SH3BGRL: variants seen among roughly 807,000 people sequenced by gnomAD.
SH3BGRL encodes the protein adapter SH3BGRL.
SH3BGRL carries 7 observed loss-of-function variants against 9.8 expected under a neutral mutation model. That is an observed-to-expected ratio of 0.72 (90% confidence interval 0.41 to 1.35). The LOEUF (loss-of-function observed/expected upper bound fraction) is 1.35, where lower values mean the gene tolerates loss of function less well. Among genes scored for constraint, SH3BGRL ranks in the 40% most tolerant of loss-of-function variants. The pLI, the probability that SH3BGRL is intolerant of heterozygous loss-of-function variation, is 0.01. For missense variants in SH3BGRL, 73 were observed against 84.4 expected (o/e 0.86, Z 0.53); for synonymous variants, 36 against 29.1 (o/e 1.24, Z -0.76).
chrX:81,217,869 T>C (rs1450578114), intron 1 of SH3BGRL, among the ~76,000 whole-genome samples: 2 of 111,038 alleles, frequency 1.8e-5, no homozygotes, highest in South Asian at 3.7e-4. Flanking sequence ...CCCACTGTTA[T>C]TGTTTTGCTG....
At chrX:81,236,212 G>A (rs1228168416) in intron 1 of SH3BGRL, among the ~76,000 whole-genome samples, 6 of 111,642 alleles carry the variant, frequency 5.4e-5, no homozygotes, top group Admixed American at 9.5e-5. Flanking sequence ...ATAGGCAAGA[G>A]CACACATGCT....
At chrX:81,276,523 C>A (rs2075798729) in intron 1 of SH3BGRL, among the ~76,000 whole-genome samples, 1 of 110,914 alleles carries the variant, frequency 9.0e-6, no homozygotes, top group Admixed American at 9.6e-5. Context: ...ACTCTTGAAG[C>A]CTGTGCACTT....
At chrX:81,266,513 T>C (rs1016533473) in intron 1 of SH3BGRL, among the ~76,000 whole-genome samples, 9 of 111,753 alleles carry the variant, frequency 8.1e-5, no homozygotes, top group Non-Finnish European at 1.7e-4. Flanking sequence ...ATCAGATGGT[T>C]GTAGATGTGT....
chrX:81,254,855 A>G (rs552335202), intron 1 of SH3BGRL, among the ~76,000 whole-genome samples: 12 of 108,354 alleles, frequency 1.1e-4, no homozygotes, highest in African/African-American at 4.0e-4. Flanking sequence ...ATTAATATAC[A>G]TTGCTTTGTG....
At chrX:81,274,594 A>T (rs75439102) in intron 1 of SH3BGRL, among the ~76,000 whole-genome samples, 1 of 104,415 alleles carries the variant, frequency 9.6e-6, no homozygotes, top group Non-Finnish European at 2.0e-5. Flanking sequence ...TCTGTCTCAG[A>T]AAAAAAAAAA....
intron 1 of SH3BGRL, among the ~76,000 whole-genome samples, chrX:81,238,523 G>A (rs1569361442): frequency 8.9e-6 from 1 of 111,824 alleles, no homozygotes; most frequent in Non-Finnish European, 1.9e-5. Flanking sequence ...TCTATTATCG[G>A]CCTCCTGCAC....
At position 81,242,599 on chromosome X, in the gene SH3BGRL, C is replaced by T. The variant is rs750116939; in HGVS notation, c.46-34385C>T. The stretch of plus-strand genomic sequence containing the variant: ...ATCACATCATGTTATAAAGCTTCTG[C>T]ACAGCAAGGGAACAATCAACAAAGT... On this transcript the variant is annotated intron_variant, in intron 1 of 3. Coordinates refer to ENST00000373212, the MANE Select transcript of SH3BGRL (RefSeq NM_003022.3). Among the ~76,000 whole-genome samples, 40 of 111,551 alleles carry T rather than the reference C, an allele frequency of 3.6e-4. 1 individual carries two copies. The South Asian group carries it at 4.1e-3, about 12-fold the overall frequency.
At chrX:81,255,972 T>A (rs1247850898) in intron 1 of SH3BGRL, among the ~76,000 whole-genome samples, 3 of 112,374 alleles carry the variant, frequency 2.7e-5, no homozygotes, top group Admixed American at 9.4e-5. Flanking sequence ...AGGAGTTGCA[T>A]TTCTGAGAAT....
chrX:81,291,558 C>T (rs1682634714), intron 3 of SH3BGRL, among the ~76,000 whole-genome samples: 1 of 111,492 alleles, frequency 9.0e-6, no homozygotes, highest in East Asian at 2.9e-4. Flanking sequence ...GCCTCTGGCC[C>T]CTCCCAAATC....
At chrX:81,242,064 C>T (rs918493192) in intron 1 of SH3BGRL, among the ~76,000 whole-genome samples, 12 of 112,332 alleles carry the variant, frequency 1.1e-4, no homozygotes, top group South Asian at 3.7e-4. Flanking sequence ...ACCGAGTGGG[C>T]GGAATAAGAA....
intron 3 of SH3BGRL, among the ~76,000 whole-genome samples, chrX:81,283,711 A>G (rs2075825201): frequency 9.0e-6 from 1 of 111,503 alleles, no homozygotes; most frequent in South Asian, 3.8e-4. Flanking sequence ...CAGCCAACAT[A>G]ATACAGAATG....
At chrX:81,279,188 A>C (rs1181521018) in intron 3 of SH3BGRL, among the ~76,000 whole-genome samples, 1 of 112,210 alleles carries the variant, frequency 8.9e-6, no homozygotes, top group African/African-American at 3.2e-5. Context: ...ACTAGACAAA[A>C]ATTTACTAGT....
intron 1 of SH3BGRL, among the ~76,000 whole-genome samples, chrX:81,227,637 T>A (rs759445755): frequency 8.9e-6 from 1 of 112,447 alleles, no homozygotes; most frequent in South Asian, 3.6e-4. Flanking sequence ...GCTATCTTGA[T>A]AAATCTCTAA....
intron 1 of SH3BGRL, among the ~76,000 whole-genome samples, chrX:81,238,111 GCCTT>G (rs2147684803): frequency 9.1e-6 from 1 of 109,997 alleles, no homozygotes; most frequent in Non-Finnish European, 1.9e-5. Context: ...TACATCAAAG[GCCTT>G]GGTTGGGTCT....
At chrX:81,238,308 C>T (rs143870672) in intron 1 of SH3BGRL, among the ~76,000 whole-genome samples, 6 of 111,792 alleles carry the variant, frequency 5.4e-5, no homozygotes, top group East Asian at 2.9e-4. Flanking sequence ...AACTACAAGC[C>T]GACTTACGGG....
Position 81,297,343 on chromosome X carries a change from T to C in SH3BGRL, c.*116T>C. 1 of 562,118 alleles carries C rather than the reference T, an allele frequency of 1.8e-6. No homozygotes were observed. The allele number at this position is 562,118 out of a possible 1,213,427, so 46.3% of individuals were successfully genotyped here. A position where few individuals can be genotyped will look rare whatever the true frequency, so the allele number is the denominator to read the frequency against. On this transcript the variant is annotated 3_prime_UTR_variant, in exon 4 of 4. Coordinates refer to ENST00000373212, the MANE Select transcript of SH3BGRL (RefSeq NM_003022.3). ...GCTTAATGTTGAAATAATAGATTAG[T>C]TGGGTTTTCACATGCAAACATTCAA...
intron 1 of SH3BGRL, among the ~76,000 whole-genome samples, chrX:81,248,224 T>C (rs961977101): frequency 2.7e-5 from 3 of 111,513 alleles, no homozygotes; most frequent in Non-Finnish European, 5.6e-5. Context: ...AGATAGTGTA[T>C]GTCTTTCAGC....
intron 1 of SH3BGRL, among the ~76,000 whole-genome samples, chrX:81,256,397 C>A (rs916143702): frequency 8.9e-6 from 1 of 112,075 alleles, no homozygotes. Flanking sequence ...AGTCAACTTT[C>A]TTATTAGATT....
intron 3 of SH3BGRL, among the ~76,000 whole-genome samples, chrX:81,296,642 T>C (rs1260392627): frequency 9.0e-6 from 1 of 111,563 alleles, no homozygotes; most frequent in Non-Finnish European, 1.9e-5. Flanking sequence ...TCATCTTTAG[T>C]TCAACAAACT....
Sources: allele counts gnomAD v4.1 joint callset (sites outside exome capture counted in the v4.1 genomes callset), GRCh38; gene constraint gnomAD v4.1.1; transcripts MANE v1.5; gene names NCBI Gene and HGNC (gene_info 2026-07-23, HGNC 2026-07-21).